Variants in LARP1B observed in about 807,000 individuals in gnomAD.
LARP1B encodes La ribonucleoprotein 1B.
A neutral mutation model predicts 114.2 loss-of-function variants in LARP1B; 76 were observed. The observed-to-expected ratio is 0.67, with a 90% CI of 0.55 to 0.81. The LOEUF (loss-of-function observed/expected upper bound fraction) is 0.81, where lower values mean the gene tolerates loss of function less well. Ranked by LOEUF, LARP1B falls within the 30% of genes least tolerant of loss-of-function variation. The probability of loss-of-function intolerance (pLI) is 0.00; values close to 1 mark genes in which losing one functional copy is unlikely to be tolerated. For synonymous variants in LARP1B, 345 were observed against 348.0 expected (o/e 0.99, Z 0.10); for missense variants, 1,014 against 1,075.8 (o/e 0.94, Z 0.80).
chr4:128,156,863 TAAAAAAAAAAA>T (rs56753518), intron 11 of LARP1B, among the ~76,000 whole-genome samples: 1 of 80,782 alleles, frequency 1.2e-5, no homozygotes, highest in Non-Finnish European at 2.3e-5. Flanking sequence ...GGCTTGAAGC[TAAAAAAAAAAA>T]AAAAAAAAAA....
intron 11 of LARP1B, among the ~76,000 whole-genome samples, chr4:128,134,090 T>G (rs1792458509): frequency 6.6e-6 from 1 of 151,022 alleles, no homozygotes. Flanking sequence ...AGTCTTGACC[T>G]CCTGGGCTCA....
chr4:128,158,281 A>C (rs537743382), intron 11 of LARP1B, among the ~76,000 whole-genome samples: 3 of 152,158 alleles, frequency 2.0e-5, no homozygotes, highest in Non-Finnish European at 2.9e-5. Flanking sequence ...AAAATCAGTA[A>C]GGTTATACAA....
At chr4:128,063,427 CAAAAAAAAAAAAAAAAAA>C (rs763868048) in intron 1 of LARP1B, among the ~76,000 whole-genome samples, 5 of 13,212 alleles carry the variant, frequency 3.8e-4, no homozygotes, top group Non-Finnish European at 6.6e-4. Context: ...GACCCACTCT[CAAAAAAAAAAAAAAAAAA>C]AAAAAAAAAA....
chr4:128,155,785 C>T, intron 11 of LARP1B: 2 of 1,596,682 alleles, frequency 1.3e-6, no homozygotes, highest in Non-Finnish European at 1.7e-6. Flanking sequence ...GACTGACTTC[C>T]TGCAGGCGGA....
chr4:128,155,089 A>G (rs1266439388), intron 11 of LARP1B, among the ~76,000 whole-genome samples: 1 of 152,132 alleles, frequency 6.6e-6, no homozygotes, highest in Non-Finnish European at 1.5e-5. Context: ...ATTTTTTTAT[A>G]TCCATTAGAT....
At chr4:128,087,340 C>T (rs1421005612) in intron 5 of LARP1B, among the ~76,000 whole-genome samples, 1 of 152,000 alleles carries the variant, frequency 6.6e-6, no homozygotes, top group Non-Finnish European at 1.5e-5. Flanking sequence ...TAAGTCATGT[C>T]CTGTGAATGG....
intron 1 of LARP1B, among the ~76,000 whole-genome samples, chr4:128,065,830 T>C (rs182856648): frequency 6.6e-6 from 1 of 152,200 alleles, no homozygotes; most frequent in Non-Finnish European, 1.5e-5. Flanking sequence ...TACATTAGTT[T>C]ATTTAAATAG....
At chr4:128,114,023 T>C (rs1245858477) in intron 9 of LARP1B, among the ~76,000 whole-genome samples, 2 of 152,180 alleles carry the variant, frequency 1.3e-5, no homozygotes, top group Non-Finnish European at 1.5e-5. Context: ...CTCTTTAAAG[T>C]ATTTCAGTAT....
chr4:128,107,865 T>G lies in LARP1B; in HGVS notation c.988+552T>G, dbSNP rs1782643568. 3.9e-6 allele frequency: 6 copies of G among 1,535,690 alleles called. No homozygotes were observed. The African/African-American group carries it at 8.2e-5, about 21-fold the overall frequency. On this transcript the variant is annotated intron_variant, in intron 9 of 19. Transcript: ENST00000326639. ...ACATTCCCTCTTGGGAAAAAATGTG[T>G]GCTTAAACTTTTTTCAGTCAGGGTG...
chr4:128,107,873 CTT>C, intron 9 of LARP1B: 1 of 1,535,728 alleles, frequency 6.5e-7, no homozygotes, highest in Non-Finnish European at 8.7e-7. Flanking sequence ...TGTGCTTAAA[CTT>C]TTTTCAGTCA....
chr4:128,107,560 T>C (rs935628692), intron 9 of LARP1B: 11 of 1,366,594 alleles, frequency 8.0e-6, no homozygotes, highest in Non-Finnish European at 1.0e-5. Flanking sequence ...TACTTTGTCA[T>C]GTATGGAGTT....
intron 17 of LARP1B, among the ~76,000 whole-genome samples, chr4:128,201,056 A>C (rs1174730623): frequency 2.0e-5 from 3 of 152,196 alleles, no homozygotes. Flanking sequence ...TTTCAAGCTC[A>C]TTCACATGGC....
intron 1 of LARP1B, among the ~76,000 whole-genome samples, chr4:128,066,595 A>G (rs137858774): frequency 2.5e-4 from 37 of 149,858 alleles, no homozygotes; most frequent in Non-Finnish European, 5.0e-4. Flanking sequence ...CTCCTGCCTC[A>G]GCCAGCCAAG....
intron 7 of LARP1B, among the ~76,000 whole-genome samples, chr4:128,092,139 A>G (rs1380053785): frequency 6.6e-6 from 1 of 152,184 alleles, no homozygotes; most frequent in African/African-American, 2.4e-5. Context: ...TTCTCTATAT[A>G]TACTTGAAAC....
At chr4:128,120,242 G>C (rs1787434053) in intron 10 of LARP1B, among the ~76,000 whole-genome samples, 1 of 152,014 alleles carries the variant, frequency 6.6e-6, no homozygotes, top group Admixed American at 6.6e-5. Flanking sequence ...CTACATTATT[G>C]GGAATTTTGA....
chr4:128,071,658 G>T (rs2149354104), intron 1 of LARP1B, among the ~76,000 whole-genome samples: 1 of 150,950 alleles, frequency 6.6e-6, no homozygotes, highest in East Asian at 2.0e-4. Flanking sequence ...CTGACCTCAG[G>T]TGATCCACCT....
intron 15 of LARP1B, among the ~76,000 whole-genome samples, chr4:128,192,113 C>T (rs908038559): frequency 6.6e-6 from 1 of 152,130 alleles, no homozygotes; most frequent in African/African-American, 2.4e-5. Context: ...ATTGCTTCTA[C>T]TCTGCCATTT....
At position 128,176,885 on chromosome 4, in the gene LARP1B, A is replaced by T; in HGVS notation, c.1662A>T (p.Gly554=). The change falls in exon 13 of 20, where the codon GGA becomes GGT. Residue 554 remains glycine, a synonymous_variant. Transcript: ENST00000326639. ...CTCTCTTGGCAGGAGGTGTTCAAGG[A>T]GTGCTTCACATTCCCAAGAAAGGTA... ...PSQSRQGGVQ[G]VLHIPKKDLT... 1.9e-6 allele frequency: 3 copies of T among 1,614,044 alleles called. No homozygotes were observed. Among genetic ancestry groups the T allele is most frequent in the Non-Finnish European group, 2.5e-6 (3 of 1,179,890 alleles).
intron 1 of LARP1B, among the ~76,000 whole-genome samples, chr4:128,072,994 A>G (rs1765967309): frequency 6.6e-6 from 1 of 152,228 alleles, no homozygotes. Context: ...GATTATCAAC[A>G]AAGTTGCACT....
Sources: allele counts gnomAD v4.1 joint callset (sites outside exome capture counted in the v4.1 genomes callset), GRCh38; gene constraint gnomAD v4.1.1; transcripts MANE v1.5; gene names NCBI Gene and HGNC (gene_info 2026-07-23, HGNC 2026-07-21).